The following TXNDC8 variants were observed in gnomAD, a reference collection of about 807,000 sequenced individuals.
The protein encoded by TXNDC8 is thioredoxin domain containing 8.
TXNDC8 carries 15 observed loss-of-function variants against 12.9 expected under a neutral mutation model. The ratio of observed to expected loss-of-function variants is 1.16; its 90% CI spans 0.78 to 1.79. TXNDC8 has a LOEUF of 1.79. Among genes scored for constraint, TXNDC8 ranks in the 40% most tolerant of loss-of-function variants. TXNDC8 has a pLI of 0.00. For synonymous variants in TXNDC8, 40 were observed against 35.4 expected, an observed-to-expected ratio of 1.13 and a Z score of -0.46; for missense variants, 128 against 113.2, an observed-to-expected ratio of 1.13 and a Z score of -0.59.
chr9:110,327,642 T>C (rs1839385652), intron 2 of TXNDC8, among the ~76,000 whole-genome samples: 1 of 152,128 alleles, frequency 6.6e-6, no homozygotes, highest in Non-Finnish European at 1.5e-5. Flanking sequence ...ATACATTCTA[T>C]AATATGAATG....
At chr9:110,310,790 C>T (rs902309901) in intron 3 of TXNDC8, among the ~76,000 whole-genome samples, 1 of 152,194 alleles carries the variant, frequency 6.6e-6, no homozygotes, top group Non-Finnish European at 1.5e-5. Context: ...CAAGCAATTT[C>T]ATACTTATCC....
At chr9:110,308,353 GC>G (rs965894762) in intron 3 of TXNDC8, among the ~76,000 whole-genome samples, 1 of 152,166 alleles carries the variant, frequency 6.6e-6, no homozygotes, top group African/African-American at 2.4e-5. Flanking sequence ...TGGTTCTTCA[GC>G]CCAAGACCCA....
chr9:110,334,675 A>C (rs1790868925), intron 1 of TXNDC8, among the ~76,000 whole-genome samples: 1 of 152,208 alleles, frequency 6.6e-6, no homozygotes, highest in Non-Finnish European at 1.5e-5. Context: ...CTATGCACCA[A>C]AAAGGTTGGT....
In TXNDC8 at chr9:110,334,289, C is replaced by A. The variant is rs1364937739; in HGVS notation, c.56G>T (p.Gly19Val). 1 of 1,613,692 alleles carries A rather than the reference C, an allele frequency of 6.2e-7. No individual in the cohort carries two copies. The highest frequency in any genetic ancestry group is 1.1e-5 in the South Asian group (1 of 91,064). The change falls in exon 2 of 5, where the codon GGA becomes GTA. Residue 19 changes from glycine to valine, a missense_variant. Physicochemically the swap from Gly to Val is moderately radical, Grantham distance 109. Coordinates refer to ENST00000423740, the MANE Select transcript of TXNDC8 (RefSeq NM_001286946.2). ...AAATTGAACCACTGCGAGTTTGTGT[C>A]CGGCAGCTGTCAAAAATGTTTTAAA...
At chr9:110,307,077 G>T (rs1232746695) in intron 3 of TXNDC8, among the ~76,000 whole-genome samples, 1 of 151,036 alleles carries the variant, frequency 6.6e-6, no homozygotes, top group Non-Finnish European at 1.5e-5. Flanking sequence ...GAATAGCTAG[G>T]ACTACAAGCA....
chr9:110,302,595 A>T (rs1364126689), downstream of TXNDC8, among the ~76,000 whole-genome samples: 1 of 134,262 alleles, frequency 7.4e-6, no homozygotes, highest in East Asian at 1.9e-4. Flanking sequence ...GTACAGAAGA[A>T]GCCATCTCCT....
chr9:110,302,829 C>T (rs141034978), downstream of TXNDC8, among the ~76,000 whole-genome samples: 223 of 152,000 alleles, frequency 1.5e-3, 2 homozygotes, highest in Middle Eastern at 0.017. Context: ...TTTGGGAGGC[C>T]GAGGCAGGAG....
chr9:110,305,806 T>TTTC (rs2118694425), intron 3 of TXNDC8, among the ~76,000 whole-genome samples: 1 of 81,866 alleles, frequency 1.2e-5, no homozygotes, highest in South Asian at 3.2e-4. Context: ...TCTTTTCTTT[T>TTTC]CTTTCCTTTC....
At chr9:110,307,744 C>T (rs868303842) in intron 3 of TXNDC8, among the ~76,000 whole-genome samples, 3 of 152,158 alleles carry the variant, frequency 2.0e-5, no homozygotes, top group Admixed American at 6.5e-5. Flanking sequence ...AAGAATGTAA[C>T]CATTTGTCTT....
chr9:110,311,751 G>T (rs1182699125), intron 3 of TXNDC8, among the ~76,000 whole-genome samples: 1 of 130,084 alleles, frequency 7.7e-6, no homozygotes, highest in African/African-American at 2.9e-5. Flanking sequence ...CACTATATAT[G>T]GATATACTAT....
intron 3 of TXNDC8, among the ~76,000 whole-genome samples, chr9:110,313,930 C>T (rs1838783590): frequency 1.3e-5 from 2 of 152,006 alleles, no homozygotes; most frequent in South Asian, 2.1e-4. Context: ...AAACCTGAGA[C>T]CAGAAACTCA....
intron 3 of TXNDC8, among the ~76,000 whole-genome samples, chr9:110,315,834 C>A (rs1388562835): frequency 2.7e-5 from 1 of 36,902 alleles, no homozygotes; most frequent in African/African-American, 1.1e-4. Context: ...TTTTTTTTGG[C>A]GGCAGGGGAG....
chr9:110,313,913 T>A (rs533709498), intron 3 of TXNDC8, among the ~76,000 whole-genome samples: 1 of 152,200 alleles, frequency 6.6e-6, no homozygotes, highest in African/African-American at 2.4e-5. Context: ...CCATGAGAGA[T>A]CAGATGAAAC....
In TXNDC8 at chr9:110,329,589, C is replaced by G. The variant is rs567085518; in HGVS notation, c.130-3349G>C. The stretch of plus-strand genomic sequence containing the variant: ...AATGTGCGTGGTGGATCCAGACTTA[C>G]TTTGTGGGGTGGAGGAAGGGATAGT... On this transcript the variant is annotated intron_variant, in intron 2 of 4. Coordinates refer to ENST00000423740, the MANE Select transcript of TXNDC8 (RefSeq NM_001286946.2). Among the ~76,000 whole-genome samples the G allele has an allele frequency of 2.0e-5, 3 of 152,250 alleles. No homozygotes were observed. The South Asian group carries it at 6.2e-4, about 32-fold the overall frequency.
intron 3 of TXNDC8, chr9:110,323,741 G>C: frequency 9.1e-7 from 1 of 1,102,524 alleles, no homozygotes; most frequent in Non-Finnish European, 1.3e-6. Context: ...AATGCCATTA[G>C]TACTCTTGGC....
At chr9:110,322,126 G>A (rs547880783) in intron 3 of TXNDC8, among the ~76,000 whole-genome samples, 4 of 152,026 alleles carry the variant, frequency 2.6e-5, no homozygotes, top group East Asian at 1.9e-4. Context: ...ATATGATTAC[G>A]ATGTACAAAA....
intron 3 of TXNDC8, among the ~76,000 whole-genome samples, chr9:110,314,071 C>T (rs1838787554): frequency 6.6e-6 from 1 of 152,138 alleles, no homozygotes; most frequent in African/African-American, 2.4e-5. Flanking sequence ...TGCTTAGGGC[C>T]AAACTGCCTC....
At chr9:110,325,989 C>G (rs923306808) in intron 3 of TXNDC8, among the ~76,000 whole-genome samples, 186 bp downstream of exon 4, 3 of 151,958 alleles carry the variant, frequency 2.0e-5, no homozygotes, top group African/African-American at 7.3e-5. Context: ...ATTTTTTAAC[C>G]CTTTGTAAAG....
chr9:110,310,805 T>C (rs1838637708), intron 3 of TXNDC8, among the ~76,000 whole-genome samples: 2 of 152,234 alleles, frequency 1.3e-5, no homozygotes, highest in Non-Finnish European at 2.9e-5. Flanking sequence ...TTATCCCTGC[T>C]AAACACTATA....
Sources: gnomAD v4.1 joint callset for allele counts (sites outside exome capture counted in the v4.1 genomes callset) on GRCh38, gnomAD v4.1.1 for gene constraint, MANE v1.5 for transcripts, NCBI Gene and HGNC (gene_info 2026-07-23, HGNC 2026-07-21) for gene names.